Variants in ACTN1 observed in about 807,000 individuals in gnomAD.
ACTN1 encodes the protein actinin alpha 1.
In ACTN1, 30 loss-of-function variants were observed where a neutral mutation model predicts 119.6. The observed-to-expected ratio is 0.25, with a 90% CI of 0.19 to 0.34. The LOEUF (loss-of-function observed/expected upper bound fraction) is 0.34. Ranked by LOEUF, ACTN1 falls within the 10% of genes least tolerant of loss-of-function variation. The pLI is 1.00. For synonymous variants in ACTN1, 429 were observed against 472.6 expected (o/e 0.91, Z 1.20); for missense variants, 764 against 1,223.4 (o/e 0.62, Z 5.60).
At chr14:68,881,479 G>C (rs2031506555) in intron 16 of ACTN1, among the ~76,000 whole-genome samples, 1 of 152,128 alleles carries the variant, frequency 6.6e-6, no homozygotes, top group Non-Finnish European at 1.5e-5. Flanking sequence ...TGCAGGCCAG[G>C]CCTAATGCCC....
chr14:68,978,921 G>C (rs1221473945), intron 1 of ACTN1, 31 bp downstream of exon 1: 3 of 1,457,818 alleles, frequency 2.1e-6, no homozygotes, highest in Non-Finnish European at 2.8e-6. Context: ...CTGGGGGCTG[G>C]GGGCTGCAGC....
intron 11 of ACTN1, chr14:68,887,540 C>T: frequency 2.3e-6 from 3 of 1,289,332 alleles, no homozygotes; most frequent in Non-Finnish European, 3.1e-6. Flanking sequence ...GTCAAAGCCT[C>T]CCATAATTCA....
Position 68,878,388 on chromosome 14 carries a change from T to G in ACTN1, c.2427+70A>C. ...CTGAGGGCCTCCAGCCTGCCACTCC[T>G]GGGACTTGGCTGCTCCCGCCAGCTG... On this transcript the variant is annotated intron_variant, in intron 20 of 21. Coordinates refer to ENST00000394419, the MANE Select transcript of ACTN1 (RefSeq NM_001130004.2). The surrounding 1 kb of genome is among the most constrained non-coding windows in gnomAD (Gnocchi z 4.4). The G allele has an allele frequency of 6.6e-7, 1 of 1,509,094 alleles. No individual in the cohort carries two copies. The highest frequency in any genetic ancestry group is 8.8e-7 in the Non-Finnish European group (1 of 1,131,264). The allele number at this position is 1,509,094 out of a possible 1,614,324, so 93.5% of individuals were successfully genotyped here. A position where few individuals can be genotyped will look rare whatever the true frequency, so the allele number is the denominator to read the frequency against.
In ACTN1 at chr14:68,874,905, T is replaced by C. The variant is rs1394713693; in HGVS notation, c.2699A>G (p.Asp900Gly). 2 of 1,610,278 alleles carry C rather than the reference T, an allele frequency of 1.2e-6. No homozygotes were observed. The highest frequency in any genetic ancestry group is 1.3e-5 in the African/African-American group (1 of 74,970). The change falls in exon 22 of 22, where the codon GAC becomes GGC. Residue 900 changes from aspartate to glycine, a missense_variant. Around this residue, in one of 4 missense-constraint regions of ACTN1, gnomAD observed 102 missense variants for 78.2 expected, o/e 1.30. Coordinates refer to ENST00000394419, the MANE Select transcript of ACTN1 (RefSeq NM_001130004.2). ...CAGCGCCGTGGAGAAGGACATGTAGTCCAGAGCACCTGGCACGGAGTCGGG... is the reference window on the plus strand; with the variant it reads ...CAGCGCCGTGGAGAAGGACATGTAGCCCAGAGCACCTGGCACGGAGTCGGG... ...TGPDSVPGAL[D>G]YMSFSTALYG...
intron 1 of ACTN1, among the ~76,000 whole-genome samples, chr14:68,944,378 C>T (rs968987318): frequency 2.6e-5 from 4 of 152,196 alleles, no homozygotes; most frequent in Admixed American, 1.3e-4. Flanking sequence ...TCTACAGACT[C>T]GCCCAGGCTC....
chr14:68,964,275 G>A (rs2036630991), intron 1 of ACTN1, among the ~76,000 whole-genome samples: 2 of 152,178 alleles, frequency 1.3e-5, no homozygotes, highest in African/African-American at 4.8e-5. Flanking sequence ...CCAACTTAAA[G>A]GCAACTTTCC....
intron 1 of ACTN1, among the ~76,000 whole-genome samples, chr14:68,943,857 C>T (rs1005816402): frequency 1.3e-5 from 2 of 152,212 alleles, no homozygotes; most frequent in East Asian, 3.8e-4. Flanking sequence ...TGAACTAGGT[C>T]GGTCAAAGCC....
chr14:68,940,438 T>A (rs2035726952), intron 1 of ACTN1, among the ~76,000 whole-genome samples: 1 of 152,086 alleles, frequency 6.6e-6, no homozygotes. Context: ...GTCTTCCAGC[T>A]TGAAACCTCC....
chr14:68,963,779 C>T (rs1197858082), intron 1 of ACTN1, among the ~76,000 whole-genome samples: 10 of 152,206 alleles, frequency 6.6e-5, no homozygotes, highest in African/African-American at 2.4e-4. Context: ...CACACTAGCA[C>T]ACTAATCTCA....
rs1376945241 is a variant in ACTN1, at chr14:68,874,209, T to C, written c.*650A>G. 3 of 152,252 alleles carry C rather than the reference T, an allele frequency of 2.0e-5. No homozygotes were observed. The highest frequency in any genetic ancestry group is 2.9e-5 in the Non-Finnish European group (2 of 68,024). 9.4% of individuals were successfully genotyped at this position (152,252 alleles called of 1,614,324 possible). ...CTCTCCAAGTTTGTCCTATTTTTAA[T>C]AGACAATATTAAAAATTTTTTAAGT... On this transcript the variant is annotated 3_prime_UTR_variant, in exon 22 of 22. Coordinates refer to ENST00000394419, the MANE Select transcript of ACTN1 (RefSeq NM_001130004.2).
chr14:68,925,613 G>C lies in ACTN1; in HGVS notation c.165C>G (p.Ile55Met), dbSNP rs754001875. 8 of 1,613,548 alleles carry C rather than the reference G, an allele frequency of 5.0e-6. No individual in the cohort carries two copies. Among genetic ancestry groups the C allele is most frequent in the Non-Finnish European group, 6.8e-6 (8 of 1,179,720 alleles). Residue 55 changes from isoleucine to methionine, a missense_variant, in exon 2 of 22, where the codon ATC becomes ATG. By Grantham distance (10) the Ile-to-Met change is conservative. Transcript: ENST00000394419. The surrounding 1 kb of genome is among the most constrained non-coding windows in gnomAD (Gnocchi z 4.3). ...TCAGGCCATCCCGGAAGTCCTCTTC[G>C]ATGTTCTCGATCTGTGTCCCCGCCT... ...LRKAGTQIEN[I>M]EEDFRDGLKL...
intron 3 of ACTN1, among the ~76,000 whole-genome samples, chr14:68,919,885 G>A (rs550937824): frequency 2.0e-5 from 3 of 152,140 alleles, no homozygotes; most frequent in Non-Finnish European, 2.9e-5. Flanking sequence ...CAAATCAGCC[G>A]GACTCGACCC....
At chr14:68,928,491 G>C (rs914683790) in intron 1 of ACTN1, among the ~76,000 whole-genome samples, 3 of 152,074 alleles carry the variant, frequency 2.0e-5, no homozygotes, top group Admixed American at 2.0e-4. Context: ...GCTGTGACCC[G>C]GTGATCAACA....
At chr14:68,937,946 G>A (rs1445381398) in intron 1 of ACTN1, among the ~76,000 whole-genome samples, 1 of 152,246 alleles carries the variant, frequency 6.6e-6, no homozygotes, top group African/African-American at 2.4e-5. Flanking sequence ...TGTTGAAGAC[G>A]TTACTGAGGT....
intron 1 of ACTN1, among the ~76,000 whole-genome samples, chr14:68,950,790 T>C (rs1047056001): frequency 6.6e-6 from 1 of 152,192 alleles, no homozygotes; most frequent in Non-Finnish European, 1.5e-5. Flanking sequence ...CTGGATCTAC[T>C]GACCTTGTGA....
At chr14:68,905,908 G>A (rs1362042350) in intron 6 of ACTN1, among the ~76,000 whole-genome samples, 2 of 151,928 alleles carry the variant, frequency 1.3e-5, no homozygotes, top group East Asian at 1.9e-4. Context: ...GCTTGAACCC[G>A]GGAGGCAGAG....
At chr14:68,883,198 G>GGCAGGTAT in intron 14 of ACTN1, 143 bp from the exon 15 acceptor site, 1 of 839,944 alleles carries the variant, frequency 1.2e-6, no homozygotes. Context: ...GAACCAGGAT[G>GGCAGGTAT]GCAGGTATGG....
At chr14:68,914,674 G>A (rs1467211448) in intron 3 of ACTN1, among the ~76,000 whole-genome samples, 1 of 152,112 alleles carries the variant, frequency 6.6e-6, no homozygotes, top group Non-Finnish European at 1.5e-5. Flanking sequence ...GCAGAGGCAG[G>A]AGGACTGGGG....
chr14:68,891,610 G>T (rs1183049095), intron 10 of ACTN1, among the ~76,000 whole-genome samples: 1 of 151,890 alleles, frequency 6.6e-6, no homozygotes, highest in African/African-American at 2.4e-5. Flanking sequence ...TTGCTTATTT[G>T]TATCTTTGAA....
Sources: gnomAD v4.1 joint callset for allele counts (sites outside exome capture counted in the v4.1 genomes callset) on GRCh38, gnomAD v4.1.1 for gene constraint, gnomAD v4.1.1 regional missense constraint, Gnocchi (gnomAD v3.1) non-coding constraint, MANE v1.5 for transcripts, NCBI Gene and HGNC (gene_info 2026-07-23, HGNC 2026-07-21) for gene names.